The following MYO1D variants were observed in gnomAD, a reference collection of about 807,000 sequenced individuals.
MYO1D encodes the protein unconventional myosin-Id.
MYO1D carries 83 observed loss-of-function variants against 122.0 expected under a neutral mutation model. That is an observed-to-expected ratio of 0.68 (90% confidence interval 0.57 to 0.82). The LOEUF is 0.82. MYO1D is among the 40% of genes least tolerant of loss of function. The pLI, the probability that MYO1D is intolerant of heterozygous loss-of-function variation, is 0.00. For missense variants in MYO1D, 1,157 were observed against 1,269.5 expected (o/e 0.91, Z 1.35); for synonymous variants, 464 against 446.9 (o/e 1.04, Z -0.48).
In MYO1D at chr17:32,657,237, A is replaced by G. The variant is rs141831918; in HGVS notation, c.2345+1878T>C. On this transcript the variant is annotated intron_variant, in intron 17 of 21. Coordinates refer to ENST00000318217, the MANE Select transcript of MYO1D (RefSeq NM_015194.3). Reference sequence around the variant, plus strand: ...ACATTGAGATTTTAGAAAAACAAACATAAGAATGTTACAATCACAGTAGAA... The same window carrying G: ...ACATTGAGATTTTAGAAAAACAAACGTAAGAATGTTACAATCACAGTAGAA... Among the ~76,000 whole-genome samples the G allele has an allele frequency of 8.4e-3, 1,283 of 152,360 alleles. 13 individuals carry two copies. Among genetic ancestry groups the G allele is most frequent in the African/African-American group, 0.029 (1,217 of 41,576 alleles).
At chr17:32,857,941 T>G (rs1019980705) in intron 1 of MYO1D, among the ~76,000 whole-genome samples, 1 of 152,248 alleles carries the variant, frequency 6.6e-6, no homozygotes, top group Non-Finnish European at 1.5e-5. Flanking sequence ...GAATTATATG[T>G]AGTCCTCAGT....
intron 1 of MYO1D, among the ~76,000 whole-genome samples, chr17:32,785,826 A>G (rs1333505070): frequency 6.6e-6 from 1 of 152,112 alleles, no homozygotes; most frequent in African/African-American, 2.4e-5. Flanking sequence ...TCTAGGGTTG[A>G]GTCTAGTATC....
Position 32,830,762 on chromosome 17 carries a change from C to T in MYO1D, c.95+46016G>A, listed in dbSNP as rs184827385. Among the ~76,000 whole-genome samples the T allele has an allele frequency of 2.2e-3, 342 of 152,114 alleles. 1 individual carries two copies. The highest frequency in any genetic ancestry group is 7.3e-3 in the African/African-American group (305 of 41,512). On this transcript the variant is annotated intron_variant, in intron 1 of 21. Coordinates refer to ENST00000318217, the MANE Select transcript of MYO1D (RefSeq NM_015194.3). ...TTTTCTGATTTTTCTACACAAAAAG[C>T]GTTTTTAAAAAATACCGATATGGGC... is the stretch of plus-strand genomic sequence containing the variant.
intron 11 of MYO1D, among the ~76,000 whole-genome samples, chr17:32,754,624 T>C (rs2151012635): frequency 6.6e-6 from 1 of 152,330 alleles, no homozygotes; most frequent in East Asian, 1.9e-4. Context: ...CACTAAAAAA[T>C]GGCAGTGTCA....
At chr17:32,770,159 A>G (rs1346921411) in intron 6 of MYO1D, among the ~76,000 whole-genome samples, 1 of 152,236 alleles carries the variant, frequency 6.6e-6, no homozygotes, top group East Asian at 1.9e-4. Context: ...ATTAATTGCA[A>G]AAACCAAAAT....
intron 1 of MYO1D, among the ~76,000 whole-genome samples, chr17:32,806,215 G>A (rs1285358607): frequency 3.3e-5 from 5 of 152,068 alleles, no homozygotes; most frequent in Admixed American, 6.5e-5. Context: ...CCAAGATCAC[G>A]CCACTGCACT....
intron 16 of MYO1D, among the ~76,000 whole-genome samples, chr17:32,681,216 T>C (rs1386046787): frequency 6.6e-6 from 1 of 152,028 alleles, no homozygotes; most frequent in South Asian, 2.1e-4. Flanking sequence ...CTGGATTCAT[T>C]GATTTTTCGA....
intron 21 of MYO1D, among the ~76,000 whole-genome samples, chr17:32,529,348 C>T (rs1347033364): frequency 7.8e-6 from 1 of 128,388 alleles, no homozygotes; most frequent in Non-Finnish European, 1.6e-5. Context: ...CCTCCAGAGA[C>T]GTGAGCTGCC....
At chr17:32,566,207 T>A (rs1313764156) in intron 21 of MYO1D, among the ~76,000 whole-genome samples, 5 of 145,632 alleles carry the variant, frequency 3.4e-5, no homozygotes, top group African/African-American at 1.3e-4. Context: ...AAAAAAAGTA[T>A]ACGAAAAGGA....
chr17:32,775,902 G>C lies in MYO1D; in HGVS notation c.526C>G (p.Pro176Ala). 6.2e-7 allele frequency: 1 copy of C among 1,613,238 alleles called. No homozygotes were observed. Among genetic ancestry groups the C allele is most frequent in the Non-Finnish European group, 8.5e-7 (1 of 1,179,582 alleles). ...MDINFDFKGD[P>A]IGGHINNYLL... ...TAGTTATTGATATGCCCACCAATAG[G>C]GTCACCCTTGAAGTCAAAGTTGATA... The change falls in exon 4 of 22, where the codon CCT becomes GCT. Residue 176 changes from proline to alanine, a missense_variant. Physicochemically the swap from Pro to Ala is conservative, Grantham distance 27 (BLOSUM62 -1). Coordinates refer to ENST00000318217, the MANE Select transcript of MYO1D (RefSeq NM_015194.3).
intron 1 of MYO1D, among the ~76,000 whole-genome samples, chr17:32,805,999 C>T (rs949472374): frequency 1.3e-5 from 2 of 152,218 alleles, no homozygotes; most frequent in Non-Finnish European, 2.9e-5. Flanking sequence ...TGGCTCACGC[C>T]TGTAATCCCA....
At chr17:32,847,320 T>C (rs2090947400) in intron 1 of MYO1D, among the ~76,000 whole-genome samples, 1 of 152,218 alleles carries the variant, frequency 6.6e-6, no homozygotes, top group African/African-American at 2.4e-5. Flanking sequence ...ATCACAAGCA[T>C]ATATATGCTG....
At chr17:32,592,951 A>C (rs1234295905) in intron 21 of MYO1D, among the ~76,000 whole-genome samples, 1 of 152,092 alleles carries the variant, frequency 6.6e-6, no homozygotes, top group Non-Finnish European at 1.5e-5. Flanking sequence ...GGCCCCGTAC[A>C]CTTCGTCCCC....
At chr17:32,546,758 TAAA>T (rs2086968110) in intron 21 of MYO1D, among the ~76,000 whole-genome samples, 1 of 152,190 alleles carries the variant, frequency 6.6e-6, no homozygotes, top group Non-Finnish European at 1.5e-5. Flanking sequence ...TTACAGCCTA[TAAA>T]ATGCAAAGGT....
At chr17:32,566,162 C>T (rs944689965) in intron 21 of MYO1D, among the ~76,000 whole-genome samples, 1 of 151,530 alleles carries the variant, frequency 6.6e-6, no homozygotes, top group African/African-American at 2.4e-5. Context: ...TCATGTGCTC[C>T]TTATAACCCC....
Position 32,767,636 on chromosome 17 carries a change from C to T in MYO1D, c.831G>A (p.Leu277=). 6.3e-7 allele frequency: 1 copy of T among 1,589,612 alleles called. No homozygotes were observed. Among genetic ancestry groups the T allele is most frequent in the South Asian group, 1.1e-5 (1 of 89,704 alleles). Residue 277 remains leucine, a splice_region_variant and synonymous_variant, in exon 7 of 22, where the codon TTG becomes TTA. Coordinates refer to ENST00000318217, the MANE Select transcript of MYO1D (RefSeq NM_015194.3). ...CATTCTGAGAGGTGTCCCTACTCAC[C>T]AAGTGCAGAATAGCAGCCAAAATCT... ...VYKILAAILH[L]GNLKFVVDGD... is the part of the protein sequence containing the mutation.
chr17:32,714,312 C>A (rs535224394), intron 15 of MYO1D, among the ~76,000 whole-genome samples: 2 of 150,294 alleles, frequency 1.3e-5, no homozygotes, highest in South Asian at 4.2e-4. Flanking sequence ...TAAGTGAGAA[C>A]ATGTGCGGTT....
At chr17:32,537,845 A>G (rs1262199731) in intron 21 of MYO1D, among the ~76,000 whole-genome samples, 1 of 152,244 alleles carries the variant, frequency 6.6e-6, no homozygotes, top group Non-Finnish European at 1.5e-5. Context: ...ATAAATATTA[A>G]TATTAACAAT....
At chr17:32,807,487 T>C (rs1382694828) in intron 1 of MYO1D, among the ~76,000 whole-genome samples, 1 of 152,180 alleles carries the variant, frequency 6.6e-6, no homozygotes, top group Non-Finnish European at 1.5e-5. Flanking sequence ...TTTTCTCAAT[T>C]AGGATGTCTT....
Sources: gnomAD v4.1 joint callset for allele counts (sites outside exome capture counted in the v4.1 genomes callset) on GRCh38, gnomAD v4.1.1 for gene constraint, MANE v1.5 for transcripts, NCBI Gene and HGNC (gene_info 2026-07-23, HGNC 2026-07-21) for gene names.